The following STYXL2 variants were observed in gnomAD, a reference collection of about 807,000 sequenced individuals.
STYXL2 encodes the protein serine/threonine/tyrosine interacting like 2, also known as serine/threonine/tyrosine-interacting-like protein 2.
Under a neutral mutation model 52.4 loss-of-function variants are expected in STYXL2, and 44 were observed. The ratio of observed to expected loss-of-function variants is 0.84; its 90% CI spans 0.66 to 1.08. The LOEUF is 1.08. Ranked by LOEUF, STYXL2 falls within the 50% of genes least tolerant of loss-of-function variation. STYXL2 has a pLI of 0.00. For synonymous variants in STYXL2, 604 were observed against 586.9 expected, an observed-to-expected ratio of 1.03 and a Z score of -0.42; for missense variants, 1,604 against 1,471.7, an observed-to-expected ratio of 1.09 and a Z score of -1.47.
chr1:167,099,190 A>C (rs548263737), intron 2 of STYXL2, among the ~76,000 whole-genome samples: 5 of 152,322 alleles, frequency 3.3e-5, no homozygotes, highest in African/African-American at 1.2e-4. Flanking sequence ...AACTGACAGA[A>C]CTGAATGAAA....
Position 167,126,590 on chromosome 1 carries a change from A to AT in STYXL2, c.1461dup (p.Glu488Ter). The AT allele has an allele frequency of 6.2e-7, 1 of 1,613,982 alleles. No homozygotes were observed. Among genetic ancestry groups the AT allele is most frequent in the South Asian group, 1.1e-5 (1 of 91,068 alleles). ...CGCATGGAACGAGAGGCTGCTGGAG[A>AT]TTGAGAAGGAGGCTTCCCGGAGGTA... On this transcript the variant is annotated frameshift_variant, in exon 6 of 6. Transcript: ENST00000361200. LOFTEE classifies it low-confidence loss of function (END_TRUNC).
intron 2 of STYXL2, among the ~76,000 whole-genome samples, chr1:167,100,650 C>T (rs1162896234): frequency 6.6e-6 from 1 of 152,164 alleles, no homozygotes. Context: ...CCTGAAAGAC[C>T]CACTTTACTG....
At chr1:167,109,503 C>T (rs185598555) in intron 2 of STYXL2, among the ~76,000 whole-genome samples, 97 of 152,194 alleles carry the variant, frequency 6.4e-4, no homozygotes, top group African/African-American at 2.3e-3. Context: ...AGAACCACAC[C>T]CTCCATCCCC....
At chr1:167,116,723 C>T (rs560978287) in intron 3 of STYXL2, among the ~76,000 whole-genome samples, 2 of 143,500 alleles carry the variant, frequency 1.4e-5, no homozygotes, top group Non-Finnish European at 3.0e-5. Context: ...ATGCTCTCAG[C>T]TCACTGCAAC....
chr1:167,102,746 GTCC>G lies in STYXL2; in HGVS notation c.110+7792_110+7794del, dbSNP rs759654572. 2.2e-4 allele frequency among the ~76,000 whole-genome samples: 33 copies of G among 152,166 alleles called. 1 individual carries two copies. Among genetic ancestry groups the G allele is most frequent in the Non-Finnish European group, 2.5e-4 (17 of 68,040 alleles). On this transcript the variant is annotated intron_variant, in intron 2 of 5. Transcript: ENST00000361200. ...CTGATATTTGTCCCCATCCTGAACA[GTCC>G]TCCTTGTACTTGATAAGTGCCTGAA...
chr1:167,123,102 C>T (rs1277418785), intron 5 of STYXL2, among the ~76,000 whole-genome samples: 1 of 152,224 alleles, frequency 6.6e-6, no homozygotes, highest in Non-Finnish European at 1.5e-5. Context: ...CACCATAACC[C>T]AAGTGTATTT....
chr1:167,123,552 C>A (rs959387435), intron 5 of STYXL2, among the ~76,000 whole-genome samples: 5 of 152,154 alleles, frequency 3.3e-5, no homozygotes, highest in Non-Finnish European at 7.4e-5. Flanking sequence ...GACAGCTAAG[C>A]CCTGACTGAG....
intron 3 of STYXL2, 109 bp downstream of exon 3, chr1:167,113,913 G>A (rs1449123614): frequency 1.3e-5 from 11 of 839,858 alleles, no homozygotes; most frequent in Middle Eastern, 2.3e-4. Context: ...TGCCCATCAC[G>A]TTAGGAAGAG....
At chr1:167,119,510 G>T in intron 5 of STYXL2, 44 bp downstream of exon 5, 3 of 1,551,130 alleles carry the variant, frequency 1.9e-6, no homozygotes, top group Non-Finnish European at 2.7e-6. Flanking sequence ...TTCCACGGGG[G>T]AAAAGTAATG....
At chr1:167,102,778 C>T (rs1194274810) in intron 2 of STYXL2, among the ~76,000 whole-genome samples, 2 of 152,188 alleles carry the variant, frequency 1.3e-5, no homozygotes, top group Non-Finnish European at 2.9e-5. Context: ...GCCTGAAATT[C>T]CATCCTTCTG....
chr1:167,114,265 A>G (rs1156596211), intron 3 of STYXL2, among the ~76,000 whole-genome samples: 3 of 152,192 alleles, frequency 2.0e-5, no homozygotes, highest in African/African-American at 7.2e-5. Context: ...CCAATATTCA[A>G]TATGTTAATA....
Position 167,113,770 on chromosome 1 carries a change from C to G in STYXL2, c.171C>G (p.Ser57=). 6.2e-7 allele frequency: 1 copy of G among 1,614,110 alleles called. No individual in the cohort carries two copies. Among genetic ancestry groups the G allele is most frequent in the Non-Finnish European group, 8.5e-7 (1 of 1,179,966 alleles). ...TTTTCATGGAACCCATTCACCTCTCCTCAGCCATTGCAGCCAAACAGATCA... is the reference window on the plus strand; with the variant it reads ...TTTTCATGGAACCCATTCACCTCTCGTCAGCCATTGCAGCCAAACAGATCA... ...ESIFMEPIHL[S]SAIAAKQIIN... Residue 57 remains serine, a synonymous_variant, in exon 3 of 6, where the codon TCC becomes TCG. Coordinates refer to ENST00000361200, the MANE Select transcript of STYXL2 (RefSeq NM_001080426.3).
Position 167,127,654 on chromosome 1 carries a change from G to C in STYXL2, c.2523G>C (p.Lys841Asn). ...TAAAGGAACTTGGCCGGAAGGAGAA[G>C]GAGATGCAGATGGAGCTTAGGGAGA... is the stretch of plus-strand genomic sequence containing the variant. ...VDLKELGRKE[K>N]EMQMELREKM... Residue 841 changes from lysine (K) to asparagine (N), a missense_variant, in exon 6 of 6, where the codon AAG (lysine) becomes AAC (asparagine). Lys to Asn is a moderately conservative substitution (Grantham distance 94). Coordinates refer to ENST00000361200, the MANE Select transcript of STYXL2 (RefSeq NM_001080426.3). 1.2e-6 allele frequency: 2 copies of C among 1,614,166 alleles called. No homozygotes were observed. The highest frequency in any genetic ancestry group is 1.7e-6 in the Non-Finnish European group (2 of 1,180,036).
chr1:167,128,615 G>A lies in STYXL2; in HGVS notation c.*7G>A, dbSNP rs766840534. 12 of 1,603,358 alleles carry A rather than the reference G, an allele frequency of 7.5e-6. No homozygotes were observed. The highest frequency in any genetic ancestry group is 4.5e-5 in the East Asian group (2 of 44,796). On this transcript the variant is annotated 3_prime_UTR_variant, in exon 6 of 6. Coordinates refer to ENST00000361200, the MANE Select transcript of STYXL2 (RefSeq NM_001080426.3). Reference sequence around the variant, plus strand: ...GAAAAGGAGGGAGGACTGAGCTGGGGAAAATCTGAGAACACTGAAAGAAAC... The same window carrying A: ...GAAAAGGAGGGAGGACTGAGCTGGGAAAAATCTGAGAACACTGAAAGAAAC...
intron 2 of STYXL2, among the ~76,000 whole-genome samples, chr1:167,095,338 T>C (rs79586361): frequency 2.0e-5 from 3 of 151,300 alleles, no homozygotes; most frequent in African/African-American, 7.3e-5. Context: ...GATATGGGGA[T>C]GACAGGCCGT....
At chr1:167,123,617 A>G (rs267743) in intron 5 of STYXL2, among the ~76,000 whole-genome samples, 68,010 of 152,036 alleles carry the variant, frequency 0.45, 18,553 homozygotes, top group East Asian at 0.78. Context: ...TAAGGCTTTT[A>G]CTTGTTTTTC....
chr1:167,127,283 A>C lies in STYXL2; in HGVS notation c.2152A>C (p.Ile718Leu), dbSNP rs760772326. The change falls in exon 6 of 6, where the codon ATT (isoleucine) becomes CTT (leucine). Residue 718 changes from isoleucine to leucine, a missense_variant. Transcript: ENST00000361200. Reference sequence around the variant, plus strand: ...CCTGCCAGTGGGGCCTGGAGACACCATTTCCATTGCCAGTATCCAGAACTG... The same window carrying C: ...CCTGCCAGTGGGGCCTGGAGACACCCTTTCCATTGCCAGTATCCAGAACTG... ...PNLPVGPGDT[I>L]SIASIQNWIA... 6 of 1,614,176 alleles carry C rather than the reference A, an allele frequency of 3.7e-6. No individual in the cohort carries two copies. Among genetic ancestry groups the C allele is most frequent in the Non-Finnish European group, 4.2e-6 (5 of 1,180,044 alleles).
chr1:167,117,812 G>A (rs767854505), intron 4 of STYXL2, among the ~76,000 whole-genome samples: 16 of 152,196 alleles, frequency 1.1e-4, no homozygotes, highest in South Asian at 6.2e-4. Flanking sequence ...CCCTCAAGAA[G>A]GCCTCTGGGC....
At position 167,127,074 on chromosome 1, in the gene STYXL2, C is replaced by T. The variant is rs747125220; in HGVS notation, c.1943C>T (p.Ala648Val). The T allele has an allele frequency of 2.0e-5, 32 of 1,612,530 alleles. No homozygotes were observed. In the Admixed American group the frequency reaches 5.0e-4, roughly 25 times the overall value. The change falls in exon 6 of 6, where the codon GCG becomes GTG. Residue 648 changes from alanine to valine, a missense_variant. Coordinates refer to ENST00000361200, the MANE Select transcript of STYXL2 (RefSeq NM_001080426.3). ...EESQSMASWEADSSTASGSIP... is the reference protein window; with the variant it reads ...EESQSMASWEVDSSTASGSIP... ...AGCCAGTCTATGGCAAGCTGGGAGG[C>T]GGACAGCTCCACGGCCAGCGGGAGC...
Sources: allele counts gnomAD v4.1 joint callset (sites outside exome capture counted in the v4.1 genomes callset), GRCh38; gene constraint gnomAD v4.1.1; transcripts MANE v1.5; gene names NCBI Gene and HGNC (gene_info 2026-07-23, HGNC 2026-07-21).